KIRREL3: variants seen among roughly 807,000 people sequenced by gnomAD.
The protein encoded by KIRREL3 is kin of IRRE-like protein 3.
In KIRREL3, 36 loss-of-function variants were observed where a neutral mutation model predicts 89.7. That is an observed-to-expected ratio of 0.40 (90% confidence interval 0.31 to 0.53). The LOEUF (loss-of-function observed/expected upper bound fraction) is 0.53, where lower values mean the gene tolerates loss of function less well. Among genes scored for constraint, KIRREL3 ranks in the 20% least tolerant of loss-of-function variants. The probability of loss-of-function intolerance (pLI) is 0.49; values close to 1 mark genes in which losing one functional copy is unlikely to be tolerated. For synonymous variants in KIRREL3, 445 were observed against 441.4 expected, an observed-to-expected ratio of 1.01 and a Z score of -0.10; for missense variants, 864 against 1,056.6, an observed-to-expected ratio of 0.82 and a Z score of 2.53.
rs1949900758 is a variant in KIRREL3, at chr11:126,768,174, C to CATCCATCCATCCA, written c.56-205275_56-205263dup. 1.6e-5 allele frequency among the ~76,000 whole-genome samples: 1 copy of CATCCATCCATCCA among 64,464 alleles called. No individual in the cohort carries two copies. Among genetic ancestry groups the CATCCATCCATCCA allele is most frequent in the African/African-American group, 4.6e-5 (1 of 21,830 alleles). The allele number at this position is 64,464 out of a possible 152,430, so 42.3% of individuals were successfully genotyped here. On this transcript the variant is annotated intron_variant, in intron 1 of 16. Transcript: ENST00000525144. The surrounding 1 kb of genome is among the most constrained non-coding windows in gnomAD (Gnocchi z 4.5). ...CATCCATCCATCCATCCATCCAATC[C>CATCCATCCATCCA]ATCCATCCATCCATCCATCCATCCA...
At chr11:126,634,634 A>C (rs1165316707) in intron 1 of KIRREL3, among the ~76,000 whole-genome samples, 1 of 152,102 alleles carries the variant, frequency 6.6e-6, no homozygotes, top group Non-Finnish European at 1.5e-5. Flanking sequence ...TTTTTCTCAA[A>C]AAAGACTTAA....
chr11:126,443,675 T>C lies in KIRREL3; in HGVS notation c.1252+1304A>G, dbSNP rs752484096. On this transcript the variant is annotated intron_variant, in intron 10 of 16. Coordinates refer to ENST00000525144, the MANE Select transcript of KIRREL3 (RefSeq NM_032531.4). The surrounding 1 kb of genome is among the most constrained non-coding windows in gnomAD (Gnocchi z 7.3). ...TGGCTGAGGAGACACCAAGCTGGTT[T>C]TGGTTTTCTAGCGAAGGGGAGAATA... is the stretch of plus-strand genomic sequence containing the variant. 2.0e-5 allele frequency among the ~76,000 whole-genome samples: 3 copies of C among 151,934 alleles called. No individual in the cohort carries two copies. The highest frequency in any genetic ancestry group is 4.4e-5 in the Non-Finnish European group (3 of 67,982).
In KIRREL3 at chr11:126,443,933, A is replaced by T. The variant is rs918886796; in HGVS notation, c.1252+1046T>A. 6.6e-6 allele frequency among the ~76,000 whole-genome samples: 1 copy of T among 152,158 alleles called. No individual in the cohort carries two copies. Among genetic ancestry groups the T allele is most frequent in the African/African-American group, 2.4e-5 (1 of 41,442 alleles). On this transcript the variant is annotated intron_variant, in intron 10 of 16. Transcript: ENST00000525144. This position sits in a 1 kb window ranked among gnomAD's most constrained non-coding sequence, Gnocchi z 7.3. ...GGCATGACAGAGGTGAGGGGGGAGC[A>T]TTCGGAAACGGCAGAGGAATCGAAC...
At chr11:126,829,143 G>C (rs774389125) in intron 1 of KIRREL3, among the ~76,000 whole-genome samples, 1 of 152,178 alleles carries the variant, frequency 6.6e-6, no homozygotes, top group African/African-American at 2.4e-5. Flanking sequence ...GCTGGCGAAG[G>C]CTCCAAGGTG....
rs1332806045 is a variant in KIRREL3, at chr11:126,890,988, C to T, written c.55+109467G>A. On this transcript the variant is annotated intron_variant, in intron 1 of 16. Transcript: ENST00000525144. This position sits in a 1 kb window ranked among gnomAD's most constrained non-coding sequence, Gnocchi z 5.1. ...TACATTTCTGAGCCCACTCTGCTGC[C>T]TTTATTTAATGAGGTTTATTGTTTG... 6.6e-6 allele frequency among the ~76,000 whole-genome samples: 1 copy of T among 152,218 alleles called. No individual in the cohort carries two copies. Among genetic ancestry groups the T allele is most frequent in the Non-Finnish European group, 1.5e-5 (1 of 68,044 alleles).
intron 7 of KIRREL3, among the ~76,000 whole-genome samples, chr11:126,453,776 G>A (rs1183971425): frequency 6.6e-6 from 1 of 152,158 alleles, no homozygotes; most frequent in Non-Finnish European, 1.5e-5. Context: ...CCTGGAGGGA[G>A]ATGACCCCTC....
chr11:126,850,579 A>G (rs1378076909), intron 1 of KIRREL3, among the ~76,000 whole-genome samples: 2 of 152,168 alleles, frequency 1.3e-5, no homozygotes, highest in African/African-American at 4.8e-5. Flanking sequence ...TGTGCCTTCC[A>G]CAGGGATCAT....
intron 1 of KIRREL3, among the ~76,000 whole-genome samples, chr11:126,947,348 C>T (rs1948648001): frequency 6.6e-6 from 1 of 152,160 alleles, no homozygotes; most frequent in African/African-American, 2.4e-5. Context: ...AGCTGAAGGA[C>T]TCTACCATAA....
Position 126,686,589 on chromosome 11 carries a change from T to A in KIRREL3, c.56-123677A>T, listed in dbSNP as rs1363932984. 6.6e-6 allele frequency among the ~76,000 whole-genome samples: 1 copy of A among 152,102 alleles called. No individual in the cohort carries two copies. Among genetic ancestry groups the A allele is most frequent in the Non-Finnish European group, 1.5e-5 (1 of 68,020 alleles). On this transcript the variant is annotated intron_variant, in intron 1 of 16. Transcript: ENST00000525144. The surrounding 1 kb of genome is among the most constrained non-coding windows in gnomAD (Gnocchi z 4.7). ...GAATTTTATTTTTTTATTATTTTAT[T>A]TTAATTTTGAGACAGAGTCTCACTG...
intron 1 of KIRREL3, among the ~76,000 whole-genome samples, chr11:126,775,407 G>T (rs1303604905): frequency 6.6e-6 from 1 of 152,136 alleles, no homozygotes; most frequent in Non-Finnish European, 1.5e-5. Flanking sequence ...GATGCAGGCT[G>T]GTAACTCCTT....
chr11:126,661,314 T>C (rs1945393011), intron 1 of KIRREL3, among the ~76,000 whole-genome samples: 1 of 152,218 alleles, frequency 6.6e-6, no homozygotes, highest in Non-Finnish European at 1.5e-5. Flanking sequence ...GAACAGATAC[T>C]ATTGTCAGAC....
At chr11:126,749,063 G>T (rs1053595508) in intron 1 of KIRREL3, among the ~76,000 whole-genome samples, 19 of 152,056 alleles carry the variant, frequency 1.2e-4, no homozygotes, top group Non-Finnish European at 2.5e-4. Flanking sequence ...ACCTTCCCTG[G>T]AGAGTCTGGG....
At chr11:126,506,840 G>A (rs986107668) in intron 4 of KIRREL3, among the ~76,000 whole-genome samples, 1 of 151,716 alleles carries the variant, frequency 6.6e-6, no homozygotes, top group African/African-American at 2.4e-5. Context: ...GGCCAAACTG[G>A]TCTTGAACTC....
Position 126,462,148 on chromosome 11 carries a change from G to A in KIRREL3, c.742+1009C>T, listed in dbSNP as rs1417202554. ...TCAGGGGTCTCTGTTAGGTGGTTGT[G>A]GGATGCGATGCTGGTGGAGCCCTGA... On this transcript the variant is annotated intron_variant, in intron 6 of 16. Coordinates refer to ENST00000525144, the MANE Select transcript of KIRREL3 (RefSeq NM_032531.4). The surrounding 1 kb of genome is among the most constrained non-coding windows in gnomAD (Gnocchi z 4.8). Among the ~76,000 whole-genome samples the A allele has an allele frequency of 6.6e-6, 1 of 152,120 alleles. No homozygotes were observed. Among genetic ancestry groups the A allele is most frequent in the African/African-American group, 2.4e-5 (1 of 41,410 alleles).
Position 126,807,854 on chromosome 11 carries a change from C to T in KIRREL3, c.55+192601G>A, listed in dbSNP as rs546318755. Among the ~76,000 whole-genome samples the T allele has an allele frequency of 2.6e-5, 4 of 152,154 alleles. No homozygotes were observed. The highest frequency in any genetic ancestry group is 5.9e-5 in the Non-Finnish European group (4 of 68,036). On this transcript the variant is annotated intron_variant, in intron 1 of 16. Coordinates refer to ENST00000525144, the MANE Select transcript of KIRREL3 (RefSeq NM_032531.4). This position sits in a 1 kb window ranked among gnomAD's most constrained non-coding sequence, Gnocchi z 4.3. Reference sequence around the variant, plus strand: ...CTGTTAGGCACTTTACATATATTGTCTCAAATAATAGTCCTCATAGGAAGG... The same window carrying T: ...CTGTTAGGCACTTTACATATATTGTTTCAAATAATAGTCCTCATAGGAAGG...
chr11:126,831,595 A>G (rs1461847388), intron 1 of KIRREL3, among the ~76,000 whole-genome samples: 1 of 152,190 alleles, frequency 6.6e-6, no homozygotes, highest in African/African-American at 2.4e-5. Flanking sequence ...GAAGCAATAC[A>G]TGGAAACCTC....
In KIRREL3 at chr11:126,651,474, CAGG is replaced by C. The variant is rs1005444251; in HGVS notation, c.56-88565_56-88563del. 1.3e-5 allele frequency among the ~76,000 whole-genome samples: 2 copies of C among 152,346 alleles called. No individual in the cohort carries two copies. Among genetic ancestry groups the C allele is most frequent in the African/African-American group, 4.8e-5 (2 of 41,580 alleles). On this transcript the variant is annotated intron_variant, in intron 1 of 16. Transcript: ENST00000525144. This position sits in a 1 kb window ranked among gnomAD's most constrained non-coding sequence, Gnocchi z 4.6. ...TGTAATTTCTCATGGCTGATTTTGACAGGAGATGTCAGGTTAGTCTTAGTTATC... is the reference window on the plus strand; with the variant it reads ...TGTAATTTCTCATGGCTGATTTTGACAGATGTCAGGTTAGTCTTAGTTATC...
In KIRREL3 at chr11:126,642,951, TA is replaced by T. The variant is rs990742488; in HGVS notation, c.56-80040del. ...ACAAGGATCCTACAAAGTAAAAGGG[TA>T]AAAAAAAGGTACTTTGGCCTCCCTT... On this transcript the variant is annotated intron_variant, in intron 1 of 16. Transcript: ENST00000525144. The surrounding 1 kb of genome is among the most constrained non-coding windows in gnomAD (Gnocchi z 4.9). 1.3e-5 allele frequency among the ~76,000 whole-genome samples: 2 copies of T among 151,186 alleles called. No individual in the cohort carries two copies. Among genetic ancestry groups the T allele is most frequent in the African/African-American group, 4.9e-5 (2 of 41,044 alleles).
At chr11:126,982,708 C>T (rs1045939630) in intron 1 of KIRREL3, among the ~76,000 whole-genome samples, 3 of 152,158 alleles carry the variant, frequency 2.0e-5, no homozygotes, top group Non-Finnish European at 4.4e-5. Context: ...ATGCTGTAAG[C>T]AGACAAGGAG....
Sources: allele counts gnomAD v4.1 joint callset (sites outside exome capture counted in the v4.1 genomes callset), GRCh38; gene constraint gnomAD v4.1.1; non-coding constraint Gnocchi (gnomAD v3.1); transcripts MANE v1.5; gene names NCBI Gene and HGNC (gene_info 2026-07-23, HGNC 2026-07-21).